DNAAF6: variants seen among roughly 807,000 people sequenced by gnomAD.
DNAAF6 encodes the protein PIH1 domain containing 3.
A neutral mutation model predicts 13.7 loss-of-function variants in DNAAF6; 3 were observed. The ratio of observed to expected loss-of-function variants is 0.22; its 90% CI spans 0.10 to 0.56. The LOEUF (loss-of-function observed/expected upper bound fraction) is 0.56, where lower values mean the gene tolerates loss of function less well. Ranked by LOEUF, DNAAF6 falls within the 20% of genes least tolerant of loss-of-function variation. DNAAF6 has a pLI of 0.92. For synonymous variants in DNAAF6, 54 were observed against 49.2 expected (o/e 1.10, Z -0.41); for missense variants, 130 against 151.0 (o/e 0.86, Z 0.73).
chrX:107,229,660 A>C (rs1448469237), intron 5 of DNAAF6, among the ~76,000 whole-genome samples: 6 of 108,490 alleles, frequency 5.5e-5, no homozygotes, highest in African/African-American at 2.0e-4. Context: ...AATATCATTT[A>C]TCTCTCTAGT....
chrX:107,241,543 T>G (rs1485655639), intron 6 of DNAAF6, among the ~76,000 whole-genome samples: 1 of 112,008 alleles, frequency 8.9e-6, no homozygotes, highest in Non-Finnish European at 1.9e-5. Flanking sequence ...ATTTATAAAG[T>G]CTTCCACTAG....
At chrX:107,226,501 G>C (rs1928258085) in intron 5 of DNAAF6, among the ~76,000 whole-genome samples, 1 of 111,602 alleles carries the variant, frequency 9.0e-6, no homozygotes, top group Non-Finnish European at 1.9e-5. Flanking sequence ...AGAACTATAG[G>C]TATAAAAATA....
At chrX:107,237,175 A>G (rs977490984) in intron 5 of DNAAF6, among the ~76,000 whole-genome samples, 1 of 112,350 alleles carries the variant, frequency 8.9e-6, no homozygotes, top group Non-Finnish European at 1.9e-5. Context: ...AACACATTAT[A>G]TTGCAAAAAC....
chrX:107,242,125 A>G (rs1036262201), intron 6 of DNAAF6, among the ~76,000 whole-genome samples: 3 of 111,856 alleles, frequency 2.7e-5, no homozygotes, highest in Admixed American at 9.5e-5. Context: ...ACGTTTGGCA[A>G]CGTATTCAGG....
At chrX:107,232,888 G>A (rs866839852) in intron 5 of DNAAF6, among the ~76,000 whole-genome samples, 17 of 110,027 alleles carry the variant, frequency 1.5e-4, no homozygotes, top group South Asian at 3.9e-4. Flanking sequence ...GAGTACAGGC[G>A]CGCACCACCA....
chrX:107,222,225 C>T lies in DNAAF6; in HGVS notation c.333-520C>T, dbSNP rs1043724896. On this transcript the variant is annotated intron_variant, in intron 4 of 6. Coordinates refer to ENST00000372453, the MANE Select transcript of DNAAF6 (RefSeq NM_173494.2). ...TCAGTTCAAACTCACCCCTCCCTCC[C>T]ATAAATCATACAAATGTAGAAACTG... Among the ~76,000 whole-genome samples, 8 of 111,398 alleles carry T rather than the reference C, an allele frequency of 7.2e-5. No individual in the cohort carries two copies. The East Asian group carries it at 2.2e-3, about 31-fold the overall frequency.
intron 4 of DNAAF6, among the ~76,000 whole-genome samples, chrX:107,221,038 C>T (rs1928125437): frequency 9.4e-6 from 1 of 106,839 alleles, no homozygotes; most frequent in Non-Finnish European, 1.9e-5. Flanking sequence ...GTGGTGTGAT[C>T]TCGGCTCACT....
intron 5 of DNAAF6, among the ~76,000 whole-genome samples, chrX:107,235,644 T>C (rs1928496279): frequency 9.0e-6 from 1 of 111,546 alleles, no homozygotes; most frequent in Non-Finnish European, 1.9e-5. Context: ...TTCAGATGTC[T>C]ACAACCACAG....
intron 5 of DNAAF6, 44 bp from the exon 6 acceptor site, chrX:107,238,878 G>C: frequency 8.4e-7 from 1 of 1,195,660 alleles, no homozygotes; most frequent in Non-Finnish European, 1.1e-6. Flanking sequence ...CAAATTAATT[G>C]CTCTCCAAGA....
In DNAAF6 at chrX:107,242,424, G is replaced by A. The variant is rs1345837005; in HGVS notation, c.516-745G>A. 8.0e-5 allele frequency among the ~76,000 whole-genome samples: 9 copies of A among 112,211 alleles called. 1 individual carries two copies. Among genetic ancestry groups the A allele is most frequent in the Non-Finnish European group, 1.7e-4 (9 of 53,187 alleles). ...TGTCCACCTTTTATAGAGATACTCA[G>A]ACCTTCTCTACTGAAAATGCGAGGT... On this transcript the variant is annotated intron_variant, in intron 6 of 6. Transcript: ENST00000372453.
intron 5 of DNAAF6, among the ~76,000 whole-genome samples, chrX:107,229,951 T>C (rs1928351126): frequency 9.0e-6 from 1 of 111,495 alleles, no homozygotes; most frequent in African/African-American, 3.3e-5. Flanking sequence ...CCTCCCAAAG[T>C]GCTGGGATTA....
chrX:107,210,411 A>G lies in DNAAF6; in HGVS notation c.-3-2462A>G, dbSNP rs544359312. The stretch of plus-strand genomic sequence containing the variant: ...ATCTTCTTTTTCATTTTTTATTGTT[A>G]TTATTTTATTTATTTATTTATTTTT... On this transcript the variant is annotated intron_variant, in intron 1 of 6. Transcript: ENST00000372453. Among the ~76,000 whole-genome samples, 98 of 109,373 alleles carry G rather than the reference A, an allele frequency of 9.0e-4. No individual in the cohort carries two copies. The Middle Eastern group carries it at 0.019, about 21-fold the overall frequency. The allele number at this position is 109,373 out of a possible 115,157, so 95.0% of individuals were successfully genotyped here. A position where few individuals can be genotyped will look rare whatever the true frequency, so the allele number is the denominator to read the frequency against.
intron 5 of DNAAF6, among the ~76,000 whole-genome samples, chrX:107,228,808 A>G (rs1303797965): frequency 9.1e-6 from 1 of 109,983 alleles, no homozygotes; most frequent in African/African-American, 3.3e-5. Context: ...TTTTGTAGAG[A>G]CAGGGTCTCA....
At chrX:107,223,875 C>T (rs926678327) in intron 5 of DNAAF6, among the ~76,000 whole-genome samples, 1 of 110,983 alleles carries the variant, frequency 9.0e-6, no homozygotes, top group African/African-American at 3.3e-5. Context: ...TAATTAGCTC[C>T]CAGGGTTTTA....
intron 5 of DNAAF6, among the ~76,000 whole-genome samples, chrX:107,237,779 C>T (rs1275561837): frequency 8.9e-6 from 1 of 111,797 alleles, no homozygotes; most frequent in Admixed American, 9.5e-5. Flanking sequence ...GTCAGGAGAT[C>T]GATACCATCC....
rs1371086295 is a variant in DNAAF6, at chrX:107,222,333, G to C, written c.333-412G>C. Among the ~76,000 whole-genome samples the C allele has an allele frequency of 7.2e-5, 8 of 111,872 alleles. No individual in the cohort carries two copies. The Admixed American group carries it at 7.6e-4, about 11-fold the overall frequency. The stretch of plus-strand genomic sequence containing the variant: ...AAACCTGAATTTTCTCCTCTGCTCT[G>C]TGGTTTAAACTTGGCAGAGGAAGGT... On this transcript the variant is annotated intron_variant, in intron 4 of 6. Transcript: ENST00000372453.
In DNAAF6 at chrX:107,243,575, G is replaced by T; in HGVS notation, c.*277G>T. The T allele has an allele frequency of 5.6e-6, 1 of 178,774 alleles. No individual in the cohort carries two copies. Among genetic ancestry groups the T allele is most frequent in the Non-Finnish European group, 1.0e-5 (1 of 99,645 alleles). The allele number at this position is 178,774 out of a possible 1,213,427, so 14.7% of individuals were successfully genotyped here. On this transcript the variant is annotated 3_prime_UTR_variant, in exon 7 of 7. Transcript: ENST00000372453. ...ACTTGAGGTCAGGAGTTTGAGACCA[G>T]CCTGGTCAACATGGCGAAACCCTGT...
rs745767562 is a variant in DNAAF6, at chrX:107,240,967, T to C, written c.515+1960T>C. 2.4e-4 allele frequency among the ~76,000 whole-genome samples: 27 copies of C among 111,934 alleles called. No homozygotes were observed. In the East Asian group the frequency reaches 7.6e-3, roughly 31 times the overall value. ...AGTTTGGATTGGGAATTGACTGATTTTCAAAGACTGATAGCTAAAAAAGAA... is the reference window on the plus strand; with the variant it reads ...AGTTTGGATTGGGAATTGACTGATTCTCAAAGACTGATAGCTAAAAAAGAA... On this transcript the variant is annotated intron_variant, in intron 6 of 6. Coordinates refer to ENST00000372453, the MANE Select transcript of DNAAF6 (RefSeq NM_173494.2).
intron 5 of DNAAF6, among the ~76,000 whole-genome samples, chrX:107,230,112 A>T: frequency 8.9e-6 from 1 of 112,118 alleles, no homozygotes. Flanking sequence ...TGTGGCAATA[A>T]CATTCACCCA....
Sources: allele counts gnomAD v4.1 joint callset (sites outside exome capture counted in the v4.1 genomes callset), GRCh38; gene constraint gnomAD v4.1.1; transcripts MANE v1.5; gene names NCBI Gene and HGNC (gene_info 2026-07-23, HGNC 2026-07-21).